Variants in TMC3 observed in about 807,000 individuals in gnomAD.
TMC3 encodes transmembrane channel like 3.
TMC3 carries 98 observed loss-of-function variants against 110.6 expected under a neutral mutation model. The observed-to-expected ratio is 0.89, with a 90% CI of 0.75 to 1.05. TMC3 has a LOEUF of 1.05. TMC3 is among the 50% of genes least tolerant of loss of function. The pLI, the probability that TMC3 is intolerant of heterozygous loss-of-function variation, is 0.00. For missense variants in TMC3, 1,319 were observed against 1,373.2 expected (o/e 0.96, Z 0.62); for synonymous variants, 489 against 513.1 (o/e 0.95, Z 0.63).
chr15:81,373,057 T>C (rs1894473941), intron 1 of TMC3, among the ~76,000 whole-genome samples: 1 of 152,184 alleles, frequency 6.6e-6, no homozygotes, highest in African/African-American at 2.4e-5. Flanking sequence ...AGAGGGTATT[T>C]ACGTACTCTT....
At position 81,332,375 on chromosome 15, in the gene TMC3, T is replaced by TC; in HGVS notation, c.*43dup. The stretch of plus-strand genomic sequence containing the variant: ...GAGATGCCATGTGCTGGCCCAGCAC[T>TC]CCAACAGGGGCCTGACCTCTAGGAA... On this transcript the variant is annotated 3_prime_UTR_variant, in exon 22 of 22. Transcript: ENST00000359440. 6.5e-7 allele frequency: 1 copy of TC among 1,543,894 alleles called. No individual in the cohort carries two copies. Among genetic ancestry groups the TC allele is most frequent in the Non-Finnish European group, 8.7e-7 (1 of 1,143,148 alleles).
At chr15:81,365,453 A>T (rs1894289472) in intron 3 of TMC3, among the ~76,000 whole-genome samples, 1 of 152,206 alleles carries the variant, frequency 6.6e-6, no homozygotes, top group South Asian at 2.1e-4. Context: ...CGGGCAGATC[A>T]CAAGGTCAGG....
At chr15:81,341,294 G>A in intron 16 of TMC3, 96 bp downstream of exon 16, 1 of 1,338,424 alleles carries the variant, frequency 7.5e-7, no homozygotes, top group South Asian at 1.6e-5. Context: ...AGAGAGTTGG[G>A]GGGACCCTTT....
At chr15:81,363,324 G>A (rs925357798) in intron 3 of TMC3, among the ~76,000 whole-genome samples, 22 of 152,072 alleles carry the variant, frequency 1.4e-4, no homozygotes, top group Non-Finnish European at 2.5e-4. Context: ...TCTCAAAAGC[G>A]AATAAAGCAA....
At chr15:81,343,414 G>T in intron 14 of TMC3, 69 bp from the exon 15 acceptor site, 2 of 1,004,080 alleles carry the variant, frequency 2.0e-6, no homozygotes, top group South Asian at 2.6e-5. Flanking sequence ...ATTAATTACA[G>T]ACACCTATAT....
At position 81,333,097 on chromosome 15, in the gene TMC3, C is replaced by T. The variant is rs1893509262; in HGVS notation, c.2625G>A (p.Leu875=). The T allele has an allele frequency of 6.2e-7, 1 of 1,614,022 alleles. No homozygotes were observed. Among genetic ancestry groups the T allele is most frequent in the Non-Finnish European group, 8.5e-7 (1 of 1,179,894 alleles). ...PPHRGPQAST[L]LAQGPRPHAP... Reference sequence around the variant, plus strand: ...CGTGGGGCCTGGGACCCTGTGCCAGCAAAGTCGAGGCCTGTGGTCCACGGT... The same window carrying T: ...CGTGGGGCCTGGGACCCTGTGCCAGTAAAGTCGAGGCCTGTGGTCCACGGT... Residue 875 remains leucine (L), a synonymous_variant, in exon 22 of 22, where the codon TTG becomes TTA. Transcript: ENST00000359440.
chr15:81,367,400 C>T (rs1353659112), intron 3 of TMC3, among the ~76,000 whole-genome samples: 1 of 152,112 alleles, frequency 6.6e-6, no homozygotes, highest in Non-Finnish European at 1.5e-5. Context: ...TGTGAAATTT[C>T]TAAAATGACA....
intron 7 of TMC3, among the ~76,000 whole-genome samples, chr15:81,357,189 C>T (rs1237028074): frequency 6.6e-6 from 1 of 152,010 alleles, no homozygotes. Context: ...TAGTAAAGGG[C>T]CCGAGTCTTC....
At chr15:81,354,246 TCAGAAAGCAGGAGTGGAGGTTGATCC>T (rs527870606) in intron 9 of TMC3, among the ~76,000 whole-genome samples, 104 of 152,214 alleles carry the variant, frequency 6.8e-4, no homozygotes, top group East Asian at 1.9e-3. Flanking sequence ...GGAAGTGATC[TCAGAAAGCAGGAGTGGAGGTTGATCC>T]CAGAAAGCAG....
In TMC3 at chr15:81,349,567, C is replaced by T. The variant is rs1489334530; in HGVS notation, c.1084G>A (p.Val362Ile). 3.4e-6 allele frequency: 5 copies of T among 1,491,638 alleles called. No homozygotes were observed. Among genetic ancestry groups the T allele is most frequent in the South Asian group, 1.4e-5 (1 of 70,728 alleles). The allele number at this position is 1,491,638 out of a possible 1,614,324, so 92.4% of individuals were successfully genotyped here. A position where few individuals can be genotyped will look rare whatever the true frequency, so the allele number is the denominator to read the frequency against. ...KELTLWEKNEVSVVVSLVTMI... is the reference protein window; with the variant it reads ...KELTLWEKNEISVVVSLVTMI... ...GTGACGAGGGAGACCACCACACTGA[C>T]CTGCTGAGAGAGCACATGCCAGAGC... The change falls in exon 11 of 22, where the codon GTC becomes ATC. Residue 362 changes from valine (V) to isoleucine (I), a missense_variant and splice_region_variant. Physicochemically the swap from Val to Ile is conservative, Grantham distance 29. Coordinates refer to ENST00000359440, the MANE Select transcript of TMC3 (RefSeq NM_001080532.3).
At position 81,341,513 on chromosome 15, in the gene TMC3, C is replaced by T. The variant is rs777170141; in HGVS notation, c.1721G>A (p.Gly574Glu). 37 of 1,609,348 alleles carry T rather than the reference C, an allele frequency of 2.3e-5. No homozygotes were observed. The highest frequency in any genetic ancestry group is 3.1e-5 in the Non-Finnish European group (36 of 1,177,712). Residue 574 changes from glycine to glutamate, a missense_variant, in exon 16 of 22, where the codon GGG becomes GAG. By Grantham distance (98) the Gly-to-Glu change is moderately conservative. Coordinates refer to ENST00000359440, the MANE Select transcript of TMC3 (RefSeq NM_001080532.3). ...LVYNQGMIWM[G>E]AFFSPCLPAF... The stretch of plus-strand genomic sequence containing the variant: ...TGGGAGACATGGGGAGAAGAAGGCC[C>T]CCATCCTGGAACCATGAGGAAGGTC...
At chr15:81,343,169 T>G in intron 15 of TMC3, 109 bp downstream of exon 15, 1 of 600,180 alleles carries the variant, frequency 1.7e-6, no homozygotes. Context: ...ACATCCCTTC[T>G]TAATGCTTAT....
At chr15:81,368,150 G>A (rs1226371576) in intron 3 of TMC3, 103 bp downstream of exon 3, 1 of 814,898 alleles carries the variant, frequency 1.2e-6, no homozygotes, top group Non-Finnish European at 2.1e-6. Context: ...AGCCAGGATG[G>A]TCTTGATCTT....
Position 81,356,499 on chromosome 15 carries a change from C to T in TMC3, c.839G>A (p.Gly280Glu). ...TTTGCTCTCTGCAGCCTCTGGGTTT[C>T]CAATGAGGTAATCCCAGGCACAGAA... is the stretch of plus-strand genomic sequence containing the variant. ...RVFCAWDYLI[G>E]NPEAAESKTA... The change falls in exon 8 of 22, where the codon GGA becomes GAA. Residue 280 changes from glycine (G) to glutamate (E), a missense_variant. Physicochemically the swap from Gly to Glu is moderately conservative, Grantham distance 98. Transcript: ENST00000359440. 1 of 1,570,134 alleles carries T rather than the reference C, an allele frequency of 6.4e-7. No homozygotes were observed. The highest frequency in any genetic ancestry group is 8.6e-7 in the Non-Finnish European group (1 of 1,157,020).
chr15:81,368,441 A>C (rs1039749083), intron 2 of TMC3, 113 bp from the exon 3 acceptor site: 9 of 735,636 alleles, frequency 1.2e-5, no homozygotes, highest in Non-Finnish European at 2.2e-5. Context: ...AAAATGATAC[A>C]GCAAAAGATG....
At chr15:81,341,277 G>C in intron 16 of TMC3, 113 bp downstream of exon 16, 6 of 1,178,166 alleles carry the variant, frequency 5.1e-6, no homozygotes, top group Non-Finnish European at 6.8e-6. Context: ...GCAAGATTTT[G>C]ACAGGAAGAG....
At position 81,332,896 on chromosome 15, in the gene TMC3, A is replaced by G; in HGVS notation, c.2826T>C (p.Ser942=). The change falls in exon 22 of 22, where the codon AGT becomes AGC. Residue 942 remains serine (S), a synonymous_variant. Transcript: ENST00000359440. ...TGCTTGGCGTCTCCTCCTCTTCTTC[A>G]CTCAGCTGTGGGGAGGGAGGCTGGC... is the stretch of plus-strand genomic sequence containing the variant. The part of the protein sequence containing the change: ...VPRQPPSPQL[S]EEEEETPSRD... 6.2e-7 allele frequency: 1 copy of G among 1,613,018 alleles called. No individual in the cohort carries two copies. The highest frequency in any genetic ancestry group is 1.1e-5 in the South Asian group (1 of 91,052).
rs1893479593 is a variant in TMC3 at position 81,332,380 on chromosome 15, C to T, written c.*39G>A. 1 of 1,549,618 alleles carries T rather than the reference C, an allele frequency of 6.5e-7. No individual in the cohort carries two copies. The highest frequency in any genetic ancestry group is 1.2e-5 in the South Asian group (1 of 80,512). ...GCCATGTGCTGGCCCAGCACTCCAACAGGGGCCTGACCTCTAGGAACGGGA... is the reference window on the plus strand; with the variant it reads ...GCCATGTGCTGGCCCAGCACTCCAATAGGGGCCTGACCTCTAGGAACGGGA... On this transcript the variant is annotated 3_prime_UTR_variant, in exon 22 of 22. Coordinates refer to ENST00000359440, the MANE Select transcript of TMC3 (RefSeq NM_001080532.3).
intron 20 of TMC3, 29 bp downstream of exon 20, chr15:81,336,580 C>A (rs762788244): frequency 2.9e-5 from 47 of 1,611,826 alleles, no homozygotes; most frequent in Middle Eastern, 1.6e-4. Flanking sequence ...AACAAAAAAA[C>A]AACAACAAAA....
Sources: allele counts gnomAD v4.1 joint callset (sites outside exome capture counted in the v4.1 genomes callset), GRCh38; gene constraint gnomAD v4.1.1; transcripts MANE v1.5; gene names NCBI Gene and HGNC (gene_info 2026-07-23, HGNC 2026-07-21).